SNX13: variants seen among roughly 807,000 people sequenced by gnomAD.
SNX13 encodes sorting nexin 13.
A neutral mutation model predicts 133.6 loss-of-function variants in SNX13; 45 were observed. The ratio of observed to expected loss-of-function variants is 0.34; its 90% CI spans 0.27 to 0.43. The LOEUF is 0.43. Among genes scored for constraint, SNX13 ranks in the 20% least tolerant of loss-of-function variants. SNX13 has a pLI of 1.00. For missense variants in SNX13, 1,032 were observed against 1,145.1 expected, an observed-to-expected ratio of 0.90 and a Z score of 1.43; for synonymous variants, 414 against 373.9, an observed-to-expected ratio of 1.11 and a Z score of -1.24.
chr7:17,932,242 A>G (rs1801461487), intron 1 of SNX13, among the ~76,000 whole-genome samples: 1 of 152,182 alleles, frequency 6.6e-6, no homozygotes, highest in Admixed American at 6.5e-5. Flanking sequence ...TTGCATTTAT[A>G]ATTGGTTATA....
At chr7:17,858,628 A>G (rs557925506) in intron 9 of SNX13, among the ~76,000 whole-genome samples, 7 of 152,254 alleles carry the variant, frequency 4.6e-5, no homozygotes, top group Admixed American at 2.0e-4. Flanking sequence ...TAAAAACTAA[A>G]CGTTTGATAA....
chr7:17,825,265 T>TAGACC lies in SNX13; in HGVS notation c.1705+756_1705+757insGGTCT, dbSNP rs1445558013. Among the ~76,000 whole-genome samples, 7 of 141,904 alleles carry TAGACC rather than the reference T, an allele frequency of 4.9e-5. No individual in the cohort carries two copies. The East Asian group carries it at 1.7e-3, about 34-fold the overall frequency. The allele number at this position is 141,904 out of a possible 152,430, so 93.1% of individuals were successfully genotyped here. On this transcript the variant is annotated intron_variant, in intron 17 of 25. Coordinates refer to ENST00000428135, the MANE Select transcript of SNX13 (RefSeq NM_015132.5). ...TCTTCTAAACTAGATTAAACTAGAC[T>TAGACC]AGACTAGACTAGACTAGACTAGACT...
In SNX13 at chr7:17,792,051, G is replaced by C. The variant is rs1048656686; in HGVS notation, c.*1994C>G. The stretch of plus-strand genomic sequence containing the variant: ...TTTATTTCCCTAATTGATGGCCAGT[G>C]CTCCTCACATTATATAGAAATGCTT... On this transcript the variant is annotated 3_prime_UTR_variant, in exon 26 of 26. Transcript: ENST00000428135. 1 of 152,016 alleles carries C rather than the reference G, an allele frequency of 6.6e-6. No individual in the cohort carries two copies. Among genetic ancestry groups the C allele is most frequent in the South Asian group, 2.1e-4 (1 of 4,824 alleles). 9.4% of individuals were successfully genotyped at this position (152,016 alleles called of 1,614,324 possible).
chr7:17,852,043 CAA>C (rs1791274625), intron 9 of SNX13, among the ~76,000 whole-genome samples: 1 of 152,116 alleles, frequency 6.6e-6, no homozygotes, highest in Non-Finnish European at 1.5e-5. Flanking sequence ...AAAAAATCAA[CAA>C]ACTTTGGTGT....
At chr7:17,851,475 T>A (rs573946079) in intron 9 of SNX13, among the ~76,000 whole-genome samples, 255 of 152,134 alleles carry the variant, frequency 1.7e-3, no homozygotes, top group African/African-American at 6.0e-3. Flanking sequence ...ACAAGTGAAA[T>A]ATAATATAGT....
At chr7:17,799,259 C>G (rs1035225931) in intron 22 of SNX13, 105 bp from the exon 23 acceptor site, 6 of 963,960 alleles carry the variant, frequency 6.2e-6, no homozygotes, top group Non-Finnish European at 8.7e-6. Flanking sequence ...AGTCAGAGAA[C>G]AAGTTACATT....
chr7:17,845,783 T>C (rs921023247), intron 11 of SNX13, 89 bp from the exon 12 acceptor site: 2 of 829,852 alleles, frequency 2.4e-6, no homozygotes, highest in Admixed American at 3.3e-5. Flanking sequence ...AAAATCAAGC[T>C]AAAACGGAGT....
intron 1 of SNX13, among the ~76,000 whole-genome samples, chr7:17,913,139 C>T (rs1196990405): frequency 6.6e-6 from 1 of 152,172 alleles, no homozygotes; most frequent in Non-Finnish European, 1.5e-5. Flanking sequence ...GCAGGGACTG[C>T]CCCTGAGGGA....
At chr7:17,898,876 A>G (rs1797511275) in intron 1 of SNX13, 1 of 151,934 alleles carries the variant, frequency 6.6e-6, no homozygotes, top group Admixed American at 6.6e-5. Context: ...TTTGTGTTTT[A>G]TTATCCTTTT....
rs968902269 is a variant in SNX13 at position 17,860,449 on chromosome 7, G to A, written c.837+7958C>T. ...GTATAGGGTACCTTTTCACTCTGGT[G>A]ATTGTTCCTTTGCTGGGCAGTTTTT... On this transcript the variant is annotated intron_variant, in intron 9 of 25. Coordinates refer to ENST00000428135, the MANE Select transcript of SNX13 (RefSeq NM_015132.5). 5.2e-4 allele frequency among the ~76,000 whole-genome samples: 79 copies of A among 152,236 alleles called. 1 individual carries two copies. Among genetic ancestry groups the A allele is most frequent in the Middle Eastern group, 6.8e-3 (2 of 294 alleles).
At chr7:17,877,419 A>G (rs1042344533) in intron 5 of SNX13, among the ~76,000 whole-genome samples, 5 of 152,102 alleles carry the variant, frequency 3.3e-5, no homozygotes, top group African/African-American at 1.2e-4. Flanking sequence ...GCATCTTTCA[A>G]AAATCTTTAC....
intron 20 of SNX13, among the ~76,000 whole-genome samples, chr7:17,807,416 G>C (rs1270052540): frequency 1.3e-5 from 2 of 152,170 alleles, no homozygotes. Context: ...TAGCCACACT[G>C]CCTCACTAGA....
At chr7:17,831,593 C>T (rs946885088) in intron 15 of SNX13, 48 of 983,868 alleles carry the variant, frequency 4.9e-5, no homozygotes, top group Non-Finnish European at 5.1e-5. Context: ...CAGTACTATA[C>T]CATATGATAT....
In SNX13 at chr7:17,834,178, C is replaced by T; in HGVS notation, c.1471G>A (p.Glu491Lys). The T allele has an allele frequency of 6.4e-7, 1 of 1,570,276 alleles. No individual in the cohort carries two copies. The highest frequency in any genetic ancestry group is 8.7e-7 in the Non-Finnish European group (1 of 1,153,814). Residue 491 changes from glutamate (E) to lysine (K), a missense_variant, in exon 15 of 26, where the codon GAA becomes AAA. Transcript: ENST00000428135. ...IFDDIQRKVY[E>K]LMLRDERFYP... ...AATCTTTCATCTCGTAGCATCAATT[C>T]ATATACCTTGGTGAAATAAATCAAG...
chr7:17,825,183 G>T (rs985924572), intron 17 of SNX13, among the ~76,000 whole-genome samples: 2 of 152,036 alleles, frequency 1.3e-5, no homozygotes, highest in African/African-American at 4.8e-5. Flanking sequence ...TGAGACTTCA[G>T]TTCCAGTGAC....
intron 12 of SNX13, among the ~76,000 whole-genome samples, chr7:17,841,543 C>T (rs1366115009): frequency 1.6e-5 from 2 of 127,074 alleles, no homozygotes; most frequent in African/African-American, 3.0e-5. Flanking sequence ...TTCAAACAGC[C>T]AGTTATTCAT....
chr7:17,930,236 A>G (rs1313099152), intron 1 of SNX13, among the ~76,000 whole-genome samples: 3 of 152,212 alleles, frequency 2.0e-5, no homozygotes, highest in African/African-American at 4.8e-5. Context: ...CCATTCATTT[A>G]TAAGTCACAC....
intron 1 of SNX13, among the ~76,000 whole-genome samples, chr7:17,901,434 C>G (rs985168731): frequency 1.3e-5 from 2 of 152,094 alleles, no homozygotes; most frequent in African/African-American, 4.8e-5. Context: ...ACTTAGGACC[C>G]CCGAGCACAT....
At chr7:17,823,781 G>C (rs912052011) in intron 17 of SNX13, among the ~76,000 whole-genome samples, 5 of 152,106 alleles carry the variant, frequency 3.3e-5, no homozygotes, top group Non-Finnish European at 7.4e-5. Flanking sequence ...ACAAGGGAAT[G>C]GTTTTATCAG....
Sources: allele counts gnomAD v4.1 joint callset (sites outside exome capture counted in the v4.1 genomes callset), GRCh38; gene constraint gnomAD v4.1.1; transcripts MANE v1.5; gene names NCBI Gene and HGNC (gene_info 2026-07-23, HGNC 2026-07-21).